DST: variants seen among roughly 807,000 people sequenced by gnomAD.
The protein encoded by DST is dystonin, also known as bullous pemphigoid antigen.
Under a neutral mutation model 875.2 loss-of-function variants are expected in DST, and 253 were observed. The ratio of observed to expected loss-of-function variants is 0.29; its 90% CI spans 0.26 to 0.32. DST has a LOEUF of 0.32. DST is among the 10% of genes least tolerant of loss of function. The pLI is 1.00. For synonymous variants in DST, 3,124 were observed against 3,197.1 expected (o/e 0.98, Z 0.77); for missense variants, 8,287 against 9,111.6 (o/e 0.91, Z 3.68).
At chr6:56,722,667 C>T (rs2099426207) in intron 5 of DST, among the ~76,000 whole-genome samples, 1 of 152,186 alleles carries the variant, frequency 6.6e-6, no homozygotes. Context: ...CAGGCATGAG[C>T]CACCGCGCCC....
rs769360543 is a variant in DST, at chr6:56,572,169, G to A, written c.13652C>T (p.Ala4551Val). Residue 4551 changes from alanine (A) to valine (V), a missense_variant, in exon 53 of 104, where the codon GCT (alanine) becomes GTT (valine). Coordinates refer to ENST00000680361, the MANE Select transcript of DST (RefSeq NM_001374736.1). ...ISSHGLPSDK[A>V]LVLEKTNNLS... ...ATTATTTGTTTTTTCAAGGACCAAA[G>A]CCTTATCACTTGGTAAGCCATGGCT... 8.4e-6 allele frequency: 13 copies of A among 1,552,130 alleles called. No individual in the cohort carries two copies. In the African/African-American group the frequency reaches 1.5e-4, roughly 18 times the overall value.
intron 99 of DST, among the ~76,000 whole-genome samples, chr6:56,465,781 A>G (rs1385896285): frequency 1.3e-5 from 2 of 151,732 alleles, no homozygotes; most frequent in African/African-American, 4.8e-5. Flanking sequence ...TGGTTGGTAT[A>G]ATTGTTTGGA....
chr6:56,946,637 G>C (rs1380988594), intron 2 of DST, among the ~76,000 whole-genome samples: 2 of 152,200 alleles, frequency 1.3e-5, no homozygotes, highest in East Asian at 3.8e-4. Context: ...GACGACAGAT[G>C]AATTTTTCAT....
intron 4 of DST, among the ~76,000 whole-genome samples, chr6:56,796,087 G>T (rs186688189): frequency 6.6e-6 from 1 of 152,262 alleles, no homozygotes; most frequent in Non-Finnish European, 1.5e-5. Context: ...AGGGATACGG[G>T]GCAACCATAC....
At chr6:56,559,955 T>A (rs2097508353) in intron 58 of DST, among the ~76,000 whole-genome samples, 1 of 152,062 alleles carries the variant, frequency 6.6e-6, no homozygotes, top group Non-Finnish European at 1.5e-5. Context: ...TACAATATAA[T>A]ACAGCTTAAA....
chr6:56,459,901 A>T (rs1217487567), intron 103 of DST, among the ~76,000 whole-genome samples: 2 of 152,174 alleles, frequency 1.3e-5, no homozygotes, highest in Non-Finnish European at 2.9e-5. Flanking sequence ...ATACCACTGT[A>T]TATTTTCCTC....
intron 10 of DST, among the ~76,000 whole-genome samples, chr6:56,653,210 G>C (rs2098985813): frequency 6.6e-6 from 1 of 152,128 alleles, no homozygotes; most frequent in African/African-American, 2.4e-5. Flanking sequence ...ACTTCCTTCA[G>C]AATGACATAG....
At chr6:56,765,035 C>A (rs2099629851) in intron 4 of DST, among the ~76,000 whole-genome samples, 1 of 151,810 alleles carries the variant, frequency 6.6e-6, no homozygotes, top group African/African-American at 2.4e-5. Flanking sequence ...GCACTAACTT[C>A]AGGCTCAGGA....
Position 56,701,985 on chromosome 6 carries a change from G to C in DST, c.877-20C>G, listed in dbSNP as rs780841265. 2.6e-6 allele frequency: 4 copies of C among 1,526,206 alleles called. No individual in the cohort carries two copies. The highest frequency in any genetic ancestry group is 9.1e-7 in the Non-Finnish European group (1 of 1,104,482). 94.5% of individuals were successfully genotyped at this position (1,526,206 alleles called of 1,614,324 possible). Reference sequence around the variant, plus strand: ...TCTGGGCTAAGAACAGAAAAATGCAGGTATGAAAAAGAGTTTCTGTTATCA... The same window carrying C: ...TCTGGGCTAAGAACAGAAAAATGCACGTATGAAAAAGAGTTTCTGTTATCA... On this transcript the variant is annotated intron_variant, in intron 7 of 103. Coordinates refer to ENST00000680361, the MANE Select transcript of DST (RefSeq NM_001374736.1).
At chr6:56,947,166 C>A (rs1819956422) in intron 2 of DST, among the ~76,000 whole-genome samples, 1 of 151,952 alleles carries the variant, frequency 6.6e-6, no homozygotes, top group African/African-American at 2.4e-5. Flanking sequence ...ACTCTTTGTT[C>A]TCCCTGGGTG....
intron 4 of DST, among the ~76,000 whole-genome samples, chr6:56,773,799 C>A (rs1426788084): frequency 4.6e-5 from 7 of 152,178 alleles, no homozygotes. Flanking sequence ...CAATTTCCAG[C>A]CTCTACTCTA....
intron 5 of DST, among the ~76,000 whole-genome samples, chr6:56,709,230 T>C (rs370585613): frequency 6.6e-6 from 1 of 152,232 alleles, no homozygotes; most frequent in East Asian, 1.9e-4. Context: ...TAAAAGAATA[T>C]CCCAAGAAAG....
intron 99 of DST, 69 bp from the exon 100 acceptor site, chr6:56,464,825 A>G (rs974655633): frequency 8.2e-7 from 1 of 1,224,728 alleles, no homozygotes; most frequent in Non-Finnish European, 1.2e-6. Flanking sequence ...AACAAAGTAC[A>G]GTAGTTGAAT....
intron 2 of DST, among the ~76,000 whole-genome samples, chr6:56,930,122 C>T (rs1369657328): frequency 6.6e-6 from 1 of 152,206 alleles, no homozygotes; most frequent in Non-Finnish European, 1.5e-5. Context: ...GGTAAGGACA[C>T]CAAAAGGTAA....
chr6:56,840,898 G>A (rs185937884), intron 4 of DST, among the ~76,000 whole-genome samples: 2 of 152,160 alleles, frequency 1.3e-5, no homozygotes, highest in Non-Finnish European at 2.9e-5. Context: ...AACAGCTGAG[G>A]CATATGATAA....
intron 4 of DST, among the ~76,000 whole-genome samples, chr6:56,792,717 C>A (rs1009256205): frequency 6.6e-5 from 10 of 152,074 alleles, no homozygotes; most frequent in Non-Finnish European, 1.5e-4. Context: ...AATGTTCTAA[C>A]CTGAATCCAA....
Position 56,517,201 on chromosome 6 carries a change from C to T in DST, c.18354G>A (p.Met6118Ile). The T allele has an allele frequency of 6.2e-7, 1 of 1,610,542 alleles. No homozygotes were observed. The change falls in exon 71 of 104, where the codon ATG (methionine) becomes ATA (isoleucine). Residue 6118 changes from methionine to isoleucine, a missense_variant. Coordinates refer to ENST00000680361, the MANE Select transcript of DST (RefSeq NM_001374736.1). ...TACSEEEKQSMKKKLDKVLKN... is the reference protein window; with the variant it reads ...TACSEEEKQSIKKKLDKVLKN... The stretch of plus-strand genomic sequence containing the variant: ...CAGTCCACAGACAAGATTATACCTT[C>T]ATTGATTGCTTTTCCTCTTCACTGC...
chr6:56,945,905 A>G (rs1819205222), intron 2 of DST: 3 of 151,968 alleles, frequency 2.0e-5, no homozygotes, highest in Admixed American at 2.0e-4. Context: ...AAGGAGGGGA[A>G]TAGGGAATAA....
At chr6:56,639,420 C>G in intron 21 of DST, 30 bp downstream of exon 21, 1 of 1,613,142 alleles carries the variant, frequency 6.2e-7, no homozygotes, top group South Asian at 1.1e-5. Flanking sequence ...AAATGCAACC[C>G]TAGTATGCAA....
Sources: allele counts gnomAD v4.1 joint callset (sites outside exome capture counted in the v4.1 genomes callset), GRCh38; gene constraint gnomAD v4.1.1; transcripts MANE v1.5; gene names NCBI Gene and HGNC (gene_info 2026-07-23, HGNC 2026-07-21).